Variants in CSMD1 observed in about 807,000 individuals in gnomAD.
CSMD1 encodes the protein CUB and sushi domain-containing protein 1.
In CSMD1, 213 loss-of-function variants were observed where a neutral mutation model predicts 417.5. The ratio of observed to expected loss-of-function variants is 0.51; its 90% CI spans 0.46 to 0.57. CSMD1 has a LOEUF of 0.57. Ranked by LOEUF, CSMD1 falls within the 20% of genes least tolerant of loss-of-function variation. The probability of loss-of-function intolerance (pLI) is 0.00; values close to 1 mark genes in which losing one functional copy is unlikely to be tolerated. For missense variants in CSMD1, 6,923 were observed against 4,529.7 expected (o/e 1.53, Z -15.17); for synonymous variants, 2,862 against 1,736.8 (o/e 1.65, Z -16.11).
rs542037559 is a variant in CSMD1 at position 3,787,684 on chromosome 8, T to C, written c.819-33642A>G. On this transcript the variant is annotated intron_variant, in intron 5 of 69. Coordinates refer to ENST00000635120, the MANE Select transcript of CSMD1 (RefSeq NM_033225.6). ...ATAATTTAGTATTGTTTACAAATTA[T>C]TGTAAGTTTTCACACAACTAGAAAT... 5.9e-5 allele frequency among the ~76,000 whole-genome samples: 9 copies of C among 152,320 alleles called. No individual in the cohort carries two copies. In the East Asian group the frequency reaches 9.6e-4, roughly 16 times the overall value.
intron 1 of CSMD1, among the ~76,000 whole-genome samples, chr8:4,639,316 G>A (rs1280598788): frequency 6.9e-6 from 1 of 144,266 alleles, no homozygotes; most frequent in Non-Finnish European, 1.5e-5. Context: ...GGCCATGCCT[G>A]GGCCAATCCA....
intron 1 of CSMD1, among the ~76,000 whole-genome samples, chr8:4,717,455 T>A (rs1039243439): frequency 1.5e-5 from 2 of 135,466 alleles, no homozygotes; most frequent in Non-Finnish European, 3.0e-5. Context: ...ATACACACAC[T>A]ATATATATAT....
chr8:3,344,661 C>G (rs1472785605), intron 22 of CSMD1, among the ~76,000 whole-genome samples: 1 of 152,122 alleles, frequency 6.6e-6, no homozygotes, highest in African/African-American at 2.4e-5. Flanking sequence ...TAAACAGAGT[C>G]TTAGTAGGCT....
intron 2 of CSMD1, among the ~76,000 whole-genome samples, chr8:4,560,025 TGACA>T (rs1248453366): frequency 5.3e-5 from 8 of 152,136 alleles, no homozygotes; most frequent in South Asian, 2.1e-4. Flanking sequence ...GAAATGCAGT[TGACA>T]GACAGCCTCC....
chr8:4,343,958 A>G (rs1800632458), intron 3 of CSMD1, among the ~76,000 whole-genome samples: 1 of 152,158 alleles, frequency 6.6e-6, no homozygotes, highest in Non-Finnish European at 1.5e-5. Flanking sequence ...AAGTATTTTC[A>G]TATATACAAT....
intron 3 of CSMD1, among the ~76,000 whole-genome samples, chr8:4,365,133 C>G (rs182328315): frequency 6.6e-6 from 1 of 152,206 alleles, no homozygotes; most frequent in East Asian, 1.9e-4. Flanking sequence ...ATATAGTGAA[C>G]TAATATACAG....
rs574333890 is a variant in CSMD1, at chr8:3,452,802, G to C, written c.1561+15910C>G. On this transcript the variant is annotated intron_variant, in intron 12 of 69. Coordinates refer to ENST00000635120, the MANE Select transcript of CSMD1 (RefSeq NM_033225.6). ...TCTTTTTTTGTTGTGTCTCTGCCAG[G>C]CTTTGGTATCAGGATGATGTTGGCC... 2.4e-4 allele frequency among the ~76,000 whole-genome samples: 36 copies of C among 152,260 alleles called. No homozygotes were observed. In the South Asian group the frequency reaches 7.3e-3, roughly 31 times the overall value.
chr8:4,490,096 A>C (rs1801625996), intron 2 of CSMD1, among the ~76,000 whole-genome samples: 2 of 144,942 alleles, frequency 1.4e-5, no homozygotes, highest in Non-Finnish European at 3.0e-5. Flanking sequence ...GCTAGAGTGC[A>C]GTGGCAGGAT....
At chr8:4,132,722 G>C (rs1259929304) in intron 3 of CSMD1, among the ~76,000 whole-genome samples, 1 of 152,094 alleles carries the variant, frequency 6.6e-6, no homozygotes. Flanking sequence ...CCGCTGTCAT[G>C]TGTGAATCAA....
At chr8:2,978,342 G>C (rs1396646635) in intron 55 of CSMD1, among the ~76,000 whole-genome samples, 1 of 152,150 alleles carries the variant, frequency 6.6e-6, no homozygotes, top group Non-Finnish European at 1.5e-5. Flanking sequence ...GAGAAAAACA[G>C]ATAAAGGCAT....
chr8:4,165,283 C>A (rs1584942152), intron 3 of CSMD1, among the ~76,000 whole-genome samples: 1 of 152,224 alleles, frequency 6.6e-6, no homozygotes, highest in African/African-American at 2.4e-5. Flanking sequence ...AGCTGTTGAT[C>A]CACTCGGTTA....
At chr8:3,746,389 GC>G (rs1797067019) in intron 6 of CSMD1, among the ~76,000 whole-genome samples, 1 of 152,148 alleles carries the variant, frequency 6.6e-6, no homozygotes, top group African/African-American at 2.4e-5. Flanking sequence ...ACCATTGTTG[GC>G]CCCCAATTAT....
At chr8:3,560,889 C>T (rs144392863) in intron 10 of CSMD1, among the ~76,000 whole-genome samples, 108 of 152,268 alleles carry the variant, frequency 7.1e-4, no homozygotes, top group African/African-American at 2.5e-3. Flanking sequence ...CTGATTGATT[C>T]TTCCAGTTCC....
intron 2 of CSMD1, among the ~76,000 whole-genome samples, chr8:4,458,735 CT>C (rs1179646777): frequency 6.6e-6 from 1 of 152,056 alleles, no homozygotes; most frequent in Non-Finnish European, 1.5e-5. Context: ...AAATATTCTC[CT>C]TTTGTTACTT....
chr8:3,384,772 TATTTATATAATATATATTAATATA>T (rs2116794054), intron 18 of CSMD1, among the ~76,000 whole-genome samples: 1 of 122,954 alleles, frequency 8.1e-6, no homozygotes, highest in Non-Finnish European at 1.6e-5. Context: ...TATAAATATA[TATTTATATAATATATATTAATATA>T]TGCTATTTAT....
intron 1 of CSMD1, among the ~76,000 whole-genome samples, chr8:4,732,382 TAG>T (rs1460309955): frequency 1.4e-4 from 17 of 117,680 alleles, no homozygotes; most frequent in African/African-American, 5.8e-4. Flanking sequence ...TGTGTGTGTG[TAG>T]TGTTTTTCCC....
At chr8:3,243,888 A>C (rs1484998643) in intron 26 of CSMD1, among the ~76,000 whole-genome samples, 1 of 152,134 alleles carries the variant, frequency 6.6e-6, no homozygotes, top group Non-Finnish European at 1.5e-5. Flanking sequence ...GCCACAGTCT[A>C]TTAAATGCAT....
chr8:4,492,499 C>A (rs1466658247), intron 2 of CSMD1, among the ~76,000 whole-genome samples: 2 of 152,160 alleles, frequency 1.3e-5, no homozygotes, highest in African/African-American at 4.8e-5. Context: ...AAGTTGATTT[C>A]TTTTAAACCA....
chr8:4,723,807 A>AAAAAAC (rs1809232803), intron 1 of CSMD1, among the ~76,000 whole-genome samples: 1 of 151,442 alleles, frequency 6.6e-6, no homozygotes, highest in African/African-American at 2.4e-5. Flanking sequence ...AAAACAAAAA[A>AAAAAAC]AAAACAAAAC....
Sources: allele counts gnomAD v4.1 joint callset (sites outside exome capture counted in the v4.1 genomes callset), GRCh38; gene constraint gnomAD v4.1.1; transcripts MANE v1.5; gene names NCBI Gene and HGNC (gene_info 2026-07-23, HGNC 2026-07-21).